Variants in DEUP1 observed in about 807,000 individuals in gnomAD.
The protein encoded by DEUP1 is coiled-coil domain containing 67.
A neutral mutation model predicts 87.4 loss-of-function variants in DEUP1; 82 were observed. The ratio of observed to expected loss-of-function variants is 0.94; its 90% confidence interval spans 0.78 to 1.13. DEUP1 has a LOEUF of 1.13. Among genes scored for constraint, DEUP1 ranks in the 50% most tolerant of loss-of-function variants. The probability of loss-of-function intolerance (pLI) is 0.00; values close to 1 mark genes in which losing one functional copy is unlikely to be tolerated. For missense variants in DEUP1, 663 were observed against 681.5 expected, an observed-to-expected ratio of 0.97 and a Z score of 0.30; for synonymous variants, 214 against 222.7, an observed-to-expected ratio of 0.96 and a Z score of 0.35.
intron 4 of DEUP1, among the ~76,000 whole-genome samples, chr11:93,360,580 C>G (rs988882262): frequency 6.6e-6 from 1 of 151,884 alleles, no homozygotes; most frequent in African/African-American, 2.4e-5. Context: ...AATTATAAAG[C>G]TTTAGCAAAT....
chr11:93,341,696 C>T (rs1014944090), intron 2 of DEUP1, among the ~76,000 whole-genome samples: 21 of 152,144 alleles, frequency 1.4e-4, no homozygotes, highest in South Asian at 1.0e-3. Context: ...CACACCAGCC[C>T]GGATGACAGA....
At position 93,437,719 on chromosome 11, in the gene DEUP1, A is replaced by T; in HGVS notation, c.1815A>T (p.Ter605CysextTer41). 1 of 1,564,958 alleles carries T rather than the reference A, an allele frequency of 6.4e-7. No individual in the cohort carries two copies. Among genetic ancestry groups the T allele is most frequent in the Non-Finnish European group, 8.7e-7 (1 of 1,143,082 alleles). ...AGCTAAAACAAAATAGACACATATG[A>T]GCTTTTAAACTTTTTTATTTGCTTC... ...YSKLKQNRHI[*>C] The change falls in exon 14 of 14, where the codon TGA becomes TGT. Residue 605 changes from the stop codon to cysteine, a stop_lost. Transcript: ENST00000298050.
intron 8 of DEUP1, among the ~76,000 whole-genome samples, chr11:93,386,602 C>A (rs1282370426): frequency 1.3e-5 from 2 of 152,122 alleles, no homozygotes; most frequent in African/African-American, 4.8e-5. Context: ...AGTTGTGAGA[C>A]CTGCTAGCAT....
In DEUP1 at chr11:93,418,480, C is replaced by T. The variant is rs543638674; in HGVS notation, c.1638+3366C>T. Reference sequence around the variant, plus strand: ...AGAAATGCAAATCAAAACCACAATGCGATATCATCTCACACCAGTTAGAAT... The same window carrying T: ...AGAAATGCAAATCAAAACCACAATGTGATATCATCTCACACCAGTTAGAAT... On this transcript the variant is annotated intron_variant, in intron 13 of 13. Transcript: ENST00000298050. Among the ~76,000 whole-genome samples the T allele has an allele frequency of 1.6e-4, 24 of 152,062 alleles. No individual in the cohort carries two copies. In the East Asian group the frequency reaches 1.9e-3, roughly 12 times the overall value.
intron 2 of DEUP1, among the ~76,000 whole-genome samples, chr11:93,338,642 C>A (rs1396286358): frequency 6.6e-6 from 1 of 151,978 alleles, no homozygotes; most frequent in Non-Finnish European, 1.5e-5. Context: ...TGGACTCAAG[C>A]AATCCTCCCA....
intron 9 of DEUP1, 67 bp from the exon 10 acceptor site, chr11:93,394,392 A>G: frequency 8.3e-7 from 1 of 1,202,822 alleles, no homozygotes; most frequent in Non-Finnish European, 1.1e-6. Flanking sequence ...GAACATGGCC[A>G]GTAAAATTTT....
chr11:93,355,377 T>A lies in DEUP1; in HGVS notation c.36T>A (p.Ser12=). Residue 12 remains serine (S), a synonymous_variant, in exon 3 of 14, where the codon TCT becomes TCA. Transcript: ENST00000298050. Reference sequence around the variant, plus strand: ...ACTTTCCTACAATTGCCAGAACTTCTCCTTGTGAGGCTGAGCTTCAGGAAT... The same window carrying A: ...ACTTTCCTACAATTGCCAGAACTTCACCTTGTGAGGCTGAGCTTCAGGAAT... ...ENQAHNTMGT[S]PCEAELQELM... is the part of the protein sequence containing the mutation. 6.2e-7 allele frequency: 1 copy of A among 1,612,758 alleles called. No individual in the cohort carries two copies. The highest frequency in any genetic ancestry group is 8.5e-7 in the Non-Finnish European group (1 of 1,179,508).
At chr11:93,392,167 C>G (rs943796191) in intron 9 of DEUP1, among the ~76,000 whole-genome samples, 3 of 152,164 alleles carry the variant, frequency 2.0e-5, no homozygotes, top group African/African-American at 7.2e-5. Flanking sequence ...TAAAACACAG[C>G]TTTTTCTGAT....
At chr11:93,428,886 T>TTA (rs1188260342) in intron 13 of DEUP1, among the ~76,000 whole-genome samples, 2 of 152,178 alleles carry the variant, frequency 1.3e-5, no homozygotes, top group Non-Finnish European at 2.9e-5. Flanking sequence ...GTCTAACACA[T>TTA]GGTAATATAG....
intron 2 of DEUP1, among the ~76,000 whole-genome samples, chr11:93,343,623 T>A (rs1473373272): frequency 6.6e-6 from 1 of 152,232 alleles, no homozygotes; most frequent in Non-Finnish European, 1.5e-5. Context: ...TGAGAAGTTA[T>A]GACAGAAAAA....
intron 4 of DEUP1, among the ~76,000 whole-genome samples, chr11:93,362,894 A>G (rs1030959387): frequency 6.6e-6 from 1 of 151,892 alleles, no homozygotes; most frequent in African/African-American, 2.4e-5. Context: ...TTATATCTCA[A>G]TTTAAAATTA....
In DEUP1 at chr11:93,360,546, A is replaced by G. The variant is rs1343344844; in HGVS notation, c.297+3503A>G. ...TAAAAATACTTCCATGAACTATTAC[A>G]AATATGGCTTGAAATAAATGAAAAA... On this transcript the variant is annotated intron_variant, in intron 4 of 13. Coordinates refer to ENST00000298050, the MANE Select transcript of DEUP1 (RefSeq NM_181645.4). Among the ~76,000 whole-genome samples, 3 of 152,214 alleles carry G rather than the reference A, an allele frequency of 2.0e-5. No homozygotes were observed. In the East Asian group the frequency reaches 5.8e-4, roughly 29 times the overall value.
chr11:93,334,224 T>C (rs990254100), intron 2 of DEUP1, among the ~76,000 whole-genome samples: 9 of 152,180 alleles, frequency 5.9e-5, no homozygotes, highest in Admixed American at 6.5e-5. Flanking sequence ...GAGAGTTATG[T>C]ATAAATCTAG....
chr11:93,331,623 T>C (rs1390252137), intron 1 of DEUP1, among the ~76,000 whole-genome samples: 1 of 152,204 alleles, frequency 6.6e-6, no homozygotes, highest in Non-Finnish European at 1.5e-5. Flanking sequence ...AGAATTTCTC[T>C]TTTAATGGGA....
At chr11:93,399,468 T>G (rs963663873) in intron 11 of DEUP1, among the ~76,000 whole-genome samples, 1 of 151,924 alleles carries the variant, frequency 6.6e-6, no homozygotes, top group Non-Finnish European at 1.5e-5. Context: ...ATTTTATGTT[T>G]TTCAAAAAGA....
intron 13 of DEUP1, among the ~76,000 whole-genome samples, chr11:93,431,136 T>C (rs1426079269): frequency 7.1e-6 from 1 of 140,096 alleles, no homozygotes; most frequent in Non-Finnish European, 1.6e-5. Context: ...AAATATCAAA[T>C]AGTGATAAAT....
At chr11:93,379,859 T>C (rs1424056716) in intron 7 of DEUP1, among the ~76,000 whole-genome samples, 1 of 152,246 alleles carries the variant, frequency 6.6e-6, no homozygotes, top group Non-Finnish European at 1.5e-5. Context: ...TAATAATTTA[T>C]TAATGTTCCT....
chr11:93,335,783 T>C (rs10831027), intron 2 of DEUP1, among the ~76,000 whole-genome samples: 59,810 of 152,030 alleles, frequency 0.39, 12,828 homozygotes, highest in East Asian at 0.7. Flanking sequence ...TTAGGTCATA[T>C]CAAGTTTTTC....
At chr11:93,334,475 G>T (rs1943647616) in intron 2 of DEUP1, among the ~76,000 whole-genome samples, 2 of 152,162 alleles carry the variant, frequency 1.3e-5, no homozygotes, top group African/African-American at 4.8e-5. Context: ...GTATAAATTT[G>T]TATCATATGG....
Sources: gnomAD v4.1 joint callset for allele counts (sites outside exome capture counted in the v4.1 genomes callset) on GRCh38, gnomAD v4.1.1 for gene constraint, MANE v1.5 for transcripts, NCBI Gene and HGNC (gene_info 2026-07-23, HGNC 2026-07-21) for gene names.